CENPW: variants seen among roughly 807,000 people sequenced by gnomAD.
CENPW encodes the protein cancer-up-regulated gene 2 protein.
CENPW carries 3 observed loss-of-function variants against 11.1 expected under a neutral mutation model. The observed-to-expected ratio is 0.27, with a 90% CI of 0.12 to 0.70. The LOEUF (loss-of-function observed/expected upper bound fraction) is 0.70. Ranked by LOEUF, CENPW falls within the 30% of genes least tolerant of loss-of-function variation. CENPW has a pLI of 0.77. For missense variants in CENPW, 100 were observed against 105.6 expected (o/e 0.95, Z 0.23); for synonymous variants, 38 against 42.0 (o/e 0.91, Z 0.37).
the CENPW span, among the ~76,000 whole-genome samples, chr6:126,405,889 TG>T: frequency 6.6e-6 from 1 of 151,960 alleles, no homozygotes; most frequent in Non-Finnish European, 1.5e-5. Flanking sequence ...AAGATTTTTT[TG>T]TGGGGGGGGT....
the CENPW span, among the ~76,000 whole-genome samples, chr6:126,360,525 T>C: frequency 3.5e-4 from 53 of 152,316 alleles, 1 homozygote; most frequent in African/African-American, 1.1e-3. Context: ...ATATTTTCCA[T>C]GTTACTTATT....
At chr6:126,468,626 T>C in the CENPW span, among the ~76,000 whole-genome samples, 5 of 151,966 alleles carry the variant, frequency 3.3e-5, no homozygotes, top group African/African-American at 4.8e-5. Context: ...ATATTAATAA[T>C]AGGGGAAATC....
the CENPW span, among the ~76,000 whole-genome samples, chr6:126,389,728 C>A: frequency 1.3e-4 from 19 of 151,540 alleles, no homozygotes; most frequent in Non-Finnish European, 2.5e-4. Context: ...CCAGTTAAGA[C>A]CTCTAAATTT....
the CENPW span, among the ~76,000 whole-genome samples, chr6:126,391,067 GTACTAACA>G: frequency 6.6e-5 from 10 of 152,062 alleles, no homozygotes; most frequent in Middle Eastern, 3.4e-3. Context: ...CATAGAGGCT[GTACTAACA>G]TACATTCCCA....
At chr6:126,433,673 C>T in the CENPW span, among the ~76,000 whole-genome samples, 1 of 152,016 alleles carries the variant, frequency 6.6e-6, no homozygotes, top group East Asian at 1.9e-4. Flanking sequence ...TATATATAAA[C>T]CAATGTTTTA....
At chr6:126,450,736 A>G in the CENPW span, among the ~76,000 whole-genome samples, 1 of 151,010 alleles carries the variant, frequency 6.6e-6, no homozygotes, top group Admixed American at 6.6e-5. Flanking sequence ...ACAGAATGTT[A>G]TATATTAATT....
downstream of CENPW, among the ~76,000 whole-genome samples, chr6:126,351,695 G>A (rs2128290439): frequency 6.6e-6 from 1 of 152,004 alleles, no homozygotes; most frequent in East Asian, 1.9e-4. Context: ...TCCTTTTTGG[G>A]AAAATCAGGG....
the CENPW span, among the ~76,000 whole-genome samples, chr6:126,357,686 G>A: frequency 6.6e-6 from 1 of 151,500 alleles, no homozygotes; most frequent in Non-Finnish European, 1.5e-5. Flanking sequence ...TCGGCTCACT[G>A]CAACCTCCAC....
At chr6:126,465,742 G>A in the CENPW span, among the ~76,000 whole-genome samples, 1 of 151,948 alleles carries the variant, frequency 6.6e-6, no homozygotes, top group Non-Finnish European at 1.5e-5. Flanking sequence ...TTTTGACAAA[G>A]GTATGAAGAC....
the CENPW span, among the ~76,000 whole-genome samples, chr6:126,402,028 G>A: frequency 6.6e-6 from 1 of 151,990 alleles, no homozygotes; most frequent in Non-Finnish European, 1.5e-5. Flanking sequence ...TTCTTTTCAG[G>A]TTAGTTGATT....
At chr6:126,406,995 T>G in the CENPW span, among the ~76,000 whole-genome samples, 1 of 152,112 alleles carries the variant, frequency 6.6e-6, no homozygotes, top group Non-Finnish European at 1.5e-5. Flanking sequence ...CATAGGTAAA[T>G]GTTTGCCATT....
At chr6:126,342,126 T>C (rs1357066965) in intron 1 of CENPW, among the ~76,000 whole-genome samples, 2 of 152,188 alleles carry the variant, frequency 1.3e-5, no homozygotes, top group East Asian at 3.8e-4. Flanking sequence ...TCTTACCCAG[T>C]TCAATGAGTT....
chr6:126,449,488 G>A, the CENPW span, among the ~76,000 whole-genome samples: 2 of 150,974 alleles, frequency 1.3e-5, no homozygotes, highest in African/African-American at 4.8e-5. Flanking sequence ...TCTCTTTAGT[G>A]TATTGCTAAC....
the CENPW span, among the ~76,000 whole-genome samples, chr6:126,394,758 A>G: frequency 1.3e-5 from 2 of 151,778 alleles, no homozygotes; most frequent in African/African-American, 4.8e-5. Flanking sequence ...TTGTCTGGGA[A>G]AGTCTTTATT....
At chr6:126,426,382 T>G in the CENPW span, among the ~76,000 whole-genome samples, 1 of 152,144 alleles carries the variant, frequency 6.6e-6, no homozygotes, top group Admixed American at 6.6e-5. Flanking sequence ...TACTAGTGCC[T>G]CCTGAAAGTT....
At chr6:126,409,408 A>G in the CENPW span, among the ~76,000 whole-genome samples, 1 of 152,092 alleles carries the variant, frequency 6.6e-6, no homozygotes, top group Non-Finnish European at 1.5e-5. Context: ...CAGCTGTTGG[A>G]TGAAATGCTT....
At chr6:126,403,051 A>G in the CENPW span, among the ~76,000 whole-genome samples, 7 of 152,098 alleles carry the variant, frequency 4.6e-5, no homozygotes, top group East Asian at 5.8e-4. Flanking sequence ...GTAATCAGAA[A>G]TATTTGATGT....
At chr6:126,359,699 T>G in the CENPW span, among the ~76,000 whole-genome samples, 1 of 152,132 alleles carries the variant, frequency 6.6e-6, no homozygotes, top group African/African-American at 2.4e-5. Context: ...TCCTAATAGT[T>G]AGTGGTTTAA....
At chr6:126,423,780 G>A in the CENPW span, among the ~76,000 whole-genome samples, 158 of 150,384 alleles carry the variant, frequency 1.1e-3, no homozygotes, top group East Asian at 0.013. Context: ...TGTATTTTAA[G>A]TTGTTACTTT....
Sources: allele counts gnomAD v4.1 joint callset (sites outside exome capture counted in the v4.1 genomes callset), GRCh38; gene constraint gnomAD v4.1.1; transcripts MANE v1.5; gene names NCBI Gene and HGNC (gene_info 2026-07-23, HGNC 2026-07-21).